LRP1B: variants seen among roughly 807,000 people sequenced by gnomAD.
LRP1B encodes low-density lipoprotein receptor-related protein 1B.
LRP1B carries 217 observed loss-of-function variants against 556.6 expected under a neutral mutation model. The ratio of observed to expected loss-of-function variants is 0.39; its 90% CI spans 0.35 to 0.44. LRP1B has a LOEUF of 0.44. LRP1B is among the 20% of genes least tolerant of loss of function. LRP1B has a pLI of 1.00. For synonymous variants in LRP1B, 2,047 were observed against 1,865.8 expected (o/e 1.10, Z -2.50); for missense variants, 5,053 against 5,620.8 (o/e 0.90, Z 3.23).
chr2:141,832,706 A>G (rs570411550), intron 1 of LRP1B, among the ~76,000 whole-genome samples: 60 of 151,832 alleles, frequency 4.0e-4, no homozygotes, highest in Non-Finnish European at 7.7e-4. Context: ...TAAGTTATAC[A>G]TCAGCTACCA....
chr2:141,789,030 A>G (rs1031208601), intron 2 of LRP1B, among the ~76,000 whole-genome samples: 5 of 151,968 alleles, frequency 3.3e-5, no homozygotes, highest in South Asian at 2.1e-4. Flanking sequence ...ATGATTTATA[A>G]TCCTTTGGGT....
chr2:140,273,356 G>A (rs1029962167), intron 85 of LRP1B, among the ~76,000 whole-genome samples: 1 of 151,946 alleles, frequency 6.6e-6, no homozygotes, highest in African/African-American at 2.4e-5. Flanking sequence ...TCACTTTTAT[G>A]TACTTATCAA....
intron 3 of LRP1B, 113 bp from the exon 4 acceptor site, chr2:141,254,754 A>T (rs1684396384): frequency 5.3e-6 from 4 of 755,968 alleles, no homozygotes; most frequent in African/African-American, 1.9e-5. Flanking sequence ...CAGAAAGTTT[A>T]TATGATTGGT....
intron 85 of LRP1B, among the ~76,000 whole-genome samples, chr2:140,273,264 T>C (rs913399790): frequency 4.6e-5 from 7 of 151,928 alleles, no homozygotes; most frequent in African/African-American, 1.7e-4. Flanking sequence ...CGCTCACTAA[T>C]TGAAATACAG....
intron 1 of LRP1B, among the ~76,000 whole-genome samples, chr2:141,861,065 A>C (rs1698223740): frequency 6.6e-6 from 1 of 152,206 alleles, no homozygotes; most frequent in Non-Finnish European, 1.5e-5. Context: ...GTATACGATA[A>C]ATTTTAAAAT....
intron 1 of LRP1B, among the ~76,000 whole-genome samples, chr2:142,086,346 C>T (rs1189381561): frequency 6.6e-6 from 1 of 152,124 alleles, no homozygotes; most frequent in African/African-American, 2.4e-5. Flanking sequence ...AAAAACGGCT[C>T]ACGCCTGTAA....
At chr2:141,084,861 G>A (rs1192537751) in intron 7 of LRP1B, among the ~76,000 whole-genome samples, 1 of 152,032 alleles carries the variant, frequency 6.6e-6, no homozygotes, top group Non-Finnish European at 1.5e-5. Context: ...GTGTTAGCCA[G>A]GATGGTCTCG....
chr2:140,885,160 A>T (rs974986630), intron 24 of LRP1B, among the ~76,000 whole-genome samples: 1 of 152,204 alleles, frequency 6.6e-6, no homozygotes. Flanking sequence ...ATCTAAATCC[A>T]TCATTTTAAA....
Position 140,506,895 on chromosome 2 carries a change from T to C in LRP1B, c.8422A>G (p.Asn2808Asp). Residue 2808 changes from asparagine to aspartate, a missense_variant, in exon 53 of 91, where the codon AAT becomes GAT. Asn to Asp is a conservative substitution (Grantham distance 23). Around this residue, in one of 5 missense-constraint regions of LRP1B, gnomAD observed 3,619 missense variants for 3,931.9 expected, o/e 0.92. Transcript: ENST00000389484. ...GCAPNNTCDE[N>D]AFMCHNKVCI... ...ACTTTATTATGGCACATGAAAGCAT[T>C]TTCATCACATGTATTATTGGGAGCT... The C allele has an allele frequency of 6.2e-7, 1 of 1,613,864 alleles. No individual in the cohort carries two copies. Among genetic ancestry groups the C allele is most frequent in the East Asian group, 2.2e-5 (1 of 44,838 alleles).
chr2:141,657,104 T>TTA (rs1690041455), intron 2 of LRP1B, among the ~76,000 whole-genome samples: 1 of 152,088 alleles, frequency 6.6e-6, no homozygotes, highest in African/African-American at 2.4e-5. Context: ...GTTCTACTGA[T>TTA]TTTAGGAGAC....
At chr2:141,898,325 C>T (rs148116333) in intron 1 of LRP1B, among the ~76,000 whole-genome samples, 2 of 152,180 alleles carry the variant, frequency 1.3e-5, no homozygotes, top group African/African-American at 4.8e-5. Context: ...ACAAAGGGCT[C>T]CCATGTGTGG....
intron 3 of LRP1B, among the ~76,000 whole-genome samples, chr2:141,332,773 T>G (rs913428969): frequency 3.3e-5 from 5 of 149,772 alleles, no homozygotes; most frequent in African/African-American, 4.9e-5. Context: ...CATGTTCCCC[T>G]TGAAAGTCTT....
Position 141,020,022 on chromosome 2 carries a change from T to C in LRP1B, c.1870A>G (p.Ile624Val), listed in dbSNP as rs1442166343. 1.2e-6 allele frequency: 2 copies of C among 1,611,982 alleles called. No homozygotes were observed. The highest frequency in any genetic ancestry group is 1.7e-6 in the Non-Finnish European group (2 of 1,178,574). Reference protein sequence around the residue: ...YWTNDGHRKTINVARLEKASQ... With the variant: ...YWTNDGHRKTVNVARLEKASQ... ...GCTTTTTCCAGCCTGGCCACATTAA[T>C]GGTTTTCCTATGGCCATCATTGGTC... is the stretch of plus-strand genomic sequence containing the variant. Residue 624 changes from isoleucine (I) to valine (V), a missense_variant, in exon 12 of 91, where the codon ATT becomes GTT. By Grantham distance (29) the Ile-to-Val change is conservative. This residue lies in a region of LRP1B where 3,619 missense variants were observed against 3,931.9 expected (regional missense o/e 0.92). Transcript: ENST00000389484.
chr2:141,548,428 G>T (rs754041771), intron 2 of LRP1B, among the ~76,000 whole-genome samples: 5 of 152,222 alleles, frequency 3.3e-5, no homozygotes, highest in Non-Finnish European at 7.3e-5. Flanking sequence ...ATTAGATGTG[G>T]ATTACATAGG....
At chr2:141,734,447 A>AGGGAGAGATAGAGAGAGAGAGT (rs2105525493) in intron 2 of LRP1B, among the ~76,000 whole-genome samples, 1 of 152,218 alleles carries the variant, frequency 6.6e-6, no homozygotes, top group South Asian at 2.1e-4. Flanking sequence ...AAAAACACAC[A>AGGGAGAGATAGAGAGAGAGAGT]GGGAGAGATA....
chr2:140,951,949 G>A lies in LRP1B; in HGVS notation c.2888-9C>T. 1 of 1,600,752 alleles carries A rather than the reference G, an allele frequency of 6.2e-7. No individual in the cohort carries two copies. The highest frequency in any genetic ancestry group is 8.6e-7 in the Non-Finnish European group (1 of 1,167,868). On this transcript the variant is annotated splice_polypyrimidine_tract_variant and intron_variant, in intron 18 of 90. Transcript: ENST00000389484. ...CTCACAAGTTGGGAATTCTGTGAAA[G>A]ATATAAAAATGTCCAAAAGGTAACA...
chr2:141,760,419 G>A (rs766732376), intron 2 of LRP1B, among the ~76,000 whole-genome samples: 6 of 152,158 alleles, frequency 3.9e-5, no homozygotes, highest in Admixed American at 1.3e-4. Context: ...TTACAGATGG[G>A]TGATTACGAG....
intron 2 of LRP1B, among the ~76,000 whole-genome samples, chr2:141,536,505 A>G (rs1321393283): frequency 6.6e-6 from 1 of 152,074 alleles, no homozygotes; most frequent in Non-Finnish European, 1.5e-5. Context: ...TGAGACACAG[A>G]TGTTAAACAG....
At chr2:140,322,475 C>G (rs1558799952) in intron 81 of LRP1B, among the ~76,000 whole-genome samples, 2 of 152,110 alleles carry the variant, frequency 1.3e-5, no homozygotes, top group African/African-American at 4.8e-5. Flanking sequence ...ATTTCAACAG[C>G]TTATTTATTT....
Sources: allele counts gnomAD v4.1 joint callset (sites outside exome capture counted in the v4.1 genomes callset), GRCh38; gene constraint gnomAD v4.1.1; regional missense constraint gnomAD v4.1.1; transcripts MANE v1.5; gene names NCBI Gene and HGNC (gene_info 2026-07-23, HGNC 2026-07-21).